Variants in CD48 observed in about 807,000 individuals in gnomAD.
CD48 encodes CD48 molecule.
A neutral mutation model predicts 22.0 loss-of-function variants in CD48; 20 were observed. The observed-to-expected ratio is 0.91, with a 90% CI of 0.64 to 1.32. The LOEUF (loss-of-function observed/expected upper bound fraction) is 1.32, where lower values mean the gene tolerates loss of function less well. CD48 is among the 40% of genes most tolerant of loss of function. The probability of loss-of-function intolerance (pLI) is 0.00; values close to 1 mark genes in which losing one functional copy is unlikely to be tolerated. For missense variants in CD48, 307 were observed against 286.5 expected (o/e 1.07, Z -0.52); for synonymous variants, 110 against 110.1 (o/e 1.00, Z 0.01).
intron 1 of CD48, among the ~76,000 whole-genome samples, chr1:160,689,264 G>A (rs544301572): frequency 2.0e-5 from 3 of 152,272 alleles, no homozygotes; most frequent in African/African-American, 7.2e-5. Flanking sequence ...TCCTGGTTGA[G>A]CAGGGCAACG....
At chr1:160,683,304 T>C (rs1163027254) in intron 2 of CD48, among the ~76,000 whole-genome samples, 1 of 152,158 alleles carries the variant, frequency 6.6e-6, no homozygotes, top group Admixed American at 6.5e-5. Context: ...TCAGAAATGC[T>C]TGGGCTGGAC....
At position 160,678,957 on chromosome 1, in the gene CD48, T is replaced by C. The variant is rs1661705317; in HGVS notation, c.*95A>G. The C allele has an allele frequency of 1.2e-6, 1 of 841,188 alleles. No individual in the cohort carries two copies. The highest frequency in any genetic ancestry group is 2.0e-6 in the Non-Finnish European group (1 of 494,052). The allele number at this position is 841,188 out of a possible 1,614,324, so 52.1% of individuals were successfully genotyped here. A position where few individuals can be genotyped will look rare whatever the true frequency, so the allele number is the denominator to read the frequency against. ...TGATAATTCAGCAGCATGCTTCTGGTCAGCCTATACAGTCTCTGTCCTGGT... is the reference window on the plus strand; with the variant it reads ...TGATAATTCAGCAGCATGCTTCTGGCCAGCCTATACAGTCTCTGTCCTGGT... On this transcript the variant is annotated 3_prime_UTR_variant, in exon 4 of 4. Coordinates refer to ENST00000368046, the MANE Select transcript of CD48 (RefSeq NM_001778.4).
intron 1 of CD48, among the ~76,000 whole-genome samples, chr1:160,708,716 A>G (rs564574469): frequency 6.6e-6 from 1 of 152,096 alleles, no homozygotes; most frequent in East Asian, 1.9e-4. Context: ...GGTTTGGGGG[A>G]AGAAGGATTG....
At chr1:160,701,231 C>CAGGGGCAGGCATGT in intron 1 of CD48, among the ~76,000 whole-genome samples, 1 of 97,628 alleles carries the variant, frequency 1.0e-5, no homozygotes, top group South Asian at 3.9e-4. Flanking sequence ...GGTATTAAAG[C>CAGGGGCAGGCATGT]CAGGTTGGAC....
intron 1 of CD48, among the ~76,000 whole-genome samples, chr1:160,687,269 TC>T (rs71090319): frequency 0.28 from 42,452 of 151,944 alleles, 6,856 homozygotes; most frequent in Non-Finnish European, 0.38. Context: ...GTTATCTTGT[TC>T]TTTTTTCAAG....
At chr1:160,682,471 A>AAG (rs1553246553) in intron 2 of CD48, among the ~76,000 whole-genome samples, 6 of 150,526 alleles carry the variant, frequency 4.0e-5, no homozygotes, top group Admixed American at 3.3e-4. Context: ...AAAAAAAAAA[A>AAG]AAGAAGAAAG....
At chr1:160,698,853 G>A (rs1295739418) in intron 1 of CD48, 1 of 152,564 alleles carries the variant, frequency 6.6e-6, no homozygotes, top group Non-Finnish European at 1.5e-5. Flanking sequence ...GTTGCTGATG[G>A]CCTCGCAAAT....
At chr1:160,680,848 A>T (rs1442823209) in intron 3 of CD48, 1 of 1,319,604 alleles carries the variant, frequency 7.6e-7, no homozygotes, top group Non-Finnish European at 9.7e-7. Flanking sequence ...CTGCTCGCCC[A>T]CTTGCCCTTC....
At chr1:160,706,116 C>G (rs970527799) in intron 1 of CD48, among the ~76,000 whole-genome samples, 1 of 151,922 alleles carries the variant, frequency 6.6e-6, no homozygotes, top group Middle Eastern at 3.4e-3. Flanking sequence ...CTTTTGTCAC[C>G]CAGGCTGGAG....
chr1:160,686,773 A>G (rs1298520014), intron 1 of CD48: 1 of 152,182 alleles, frequency 6.6e-6, no homozygotes, highest in South Asian at 2.1e-4. Context: ...GGAGTGTGCA[A>G]ATAGGTGTGG....
At chr1:160,680,635 A>T (rs1014740298) in intron 3 of CD48, 1 of 1,008,834 alleles carries the variant, frequency 9.9e-7, no homozygotes, top group Non-Finnish European at 1.2e-6. Context: ...AGACAGGGGA[A>T]TCTGGCTTCC....
chr1:160,691,503 T>C (rs1005000237), intron 1 of CD48, among the ~76,000 whole-genome samples: 2 of 152,196 alleles, frequency 1.3e-5, no homozygotes, highest in African/African-American at 4.8e-5. Flanking sequence ...CACGTGTTTG[T>C]CTGCTCACCC....
At chr1:160,711,638 T>C (rs1397163276) in intron 1 of CD48, 44 bp downstream of exon 1, 1 of 1,424,056 alleles carries the variant, frequency 7.0e-7, no homozygotes, top group South Asian at 1.1e-5. Context: ...CAACTGACCA[T>C]GCCTTCAGTG....
At chr1:160,680,747 C>A in intron 3 of CD48, 1 of 1,050,084 alleles carries the variant, frequency 9.5e-7, no homozygotes, top group African/African-American at 1.7e-5. Context: ...CTCCTCAGTC[C>A]CTCTTTCCCT....
chr1:160,708,047 G>A (rs892851674), intron 1 of CD48, among the ~76,000 whole-genome samples: 2 of 152,190 alleles, frequency 1.3e-5, no homozygotes. Flanking sequence ...GGAATGCTTA[G>A]AGGGCATATA....
chr1:160,679,638 G>A (rs1167861584), intron 3 of CD48, among the ~76,000 whole-genome samples: 3 of 152,154 alleles, frequency 2.0e-5, no homozygotes, highest in Non-Finnish European at 2.9e-5. Context: ...GGGTGGGGAA[G>A]GGCTGAGCTG....
chr1:160,690,406 G>C (rs988648335), intron 1 of CD48, among the ~76,000 whole-genome samples: 68 of 152,196 alleles, frequency 4.5e-4, no homozygotes. Context: ...AGGCCTCTAG[G>C]CTTAACACCA....
chr1:160,681,005 C>T, intron 3 of CD48, 197 bp downstream of exon 3: 1 of 1,457,240 alleles, frequency 6.9e-7, no homozygotes, highest in Non-Finnish European at 9.0e-7. Flanking sequence ...ACACTGAGCC[C>T]CCACGAAGTT....
intron 1 of CD48, among the ~76,000 whole-genome samples, chr1:160,703,286 A>C (rs189182505): frequency 6.6e-6 from 1 of 152,228 alleles, no homozygotes; most frequent in African/African-American, 2.4e-5. Context: ...AAGTGACTTC[A>C]GTACGAAAAG....
Sources: gnomAD v4.1 joint callset for allele counts (sites outside exome capture counted in the v4.1 genomes callset) on GRCh38, gnomAD v4.1.1 for gene constraint, MANE v1.5 for transcripts, NCBI Gene and HGNC (gene_info 2026-07-23, HGNC 2026-07-21) for gene names.